The following LHFPL6 variants were observed in gnomAD, a reference collection of about 807,000 sequenced individuals.
The protein encoded by LHFPL6 is LHFPL tetraspan subfamily member 6.
In LHFPL6, 9 loss-of-function variants were observed where a neutral mutation model predicts 20.6. The observed-to-expected ratio is 0.44, with a 90% CI of 0.26 to 0.76. LHFPL6 has a LOEUF of 0.76. LHFPL6 is among the 30% of genes least tolerant of loss of function. The pLI is 0.20. For synonymous variants in LHFPL6, 105 were observed against 98.7 expected (o/e 1.06, Z -0.38); for missense variants, 218 against 253.5 (o/e 0.86, Z 0.95).
intron 2 of LHFPL6, among the ~76,000 whole-genome samples, chr13:39,523,189 C>T (rs182930394): frequency 6.6e-6 from 1 of 152,270 alleles, no homozygotes; most frequent in Admixed American, 6.5e-5. Flanking sequence ...AGCATGTGGT[C>T]TCTGTTAACT....
At chr13:39,431,407 T>A (rs1871798094) in intron 2 of LHFPL6, among the ~76,000 whole-genome samples, 4 of 152,156 alleles carry the variant, frequency 2.6e-5, no homozygotes, top group Admixed American at 2.6e-4. Context: ...ATTCTTGAAG[T>A]CAGCGAGACC....
intron 2 of LHFPL6, among the ~76,000 whole-genome samples, chr13:39,496,166 T>C (rs565403596): frequency 1.6e-4 from 24 of 152,300 alleles, no homozygotes; most frequent in Non-Finnish European, 2.6e-4. Flanking sequence ...GAGTAACTTA[T>C]AAACAACAGA....
intron 2 of LHFPL6, among the ~76,000 whole-genome samples, chr13:39,503,430 C>T (rs536744978): frequency 1.3e-5 from 2 of 152,282 alleles, no homozygotes; most frequent in South Asian, 4.2e-4. Context: ...GCAACCATCC[C>T]CCCCACATAC....
At chr13:39,584,690 G>T (rs2324346) in intron 2 of LHFPL6, among the ~76,000 whole-genome samples, 1 of 151,660 alleles carries the variant, frequency 6.6e-6, no homozygotes, top group African/African-American at 2.4e-5. Flanking sequence ...AAAGGAACAG[G>T]CTTAATGTCT....
chr13:39,501,675 A>C (rs1869299436), intron 2 of LHFPL6, among the ~76,000 whole-genome samples: 1 of 152,146 alleles, frequency 6.6e-6, no homozygotes, highest in African/African-American at 2.4e-5. Context: ...TGGAGAAACA[A>C]GATTCATGAG....
chr13:39,533,675 C>G (rs183064341), intron 2 of LHFPL6, among the ~76,000 whole-genome samples: 1 of 152,298 alleles, frequency 6.6e-6, no homozygotes, highest in East Asian at 1.9e-4. Context: ...ATGCCAAGAA[C>G]AGAGGTCTTC....
intron 2 of LHFPL6, among the ~76,000 whole-genome samples, chr13:39,439,349 T>C (rs1486878212): frequency 6.6e-6 from 1 of 152,206 alleles, no homozygotes; most frequent in African/African-American, 2.4e-5. Flanking sequence ...TATATCCTCA[T>C]TGTATCTAGG....
intron 2 of LHFPL6, among the ~76,000 whole-genome samples, chr13:39,434,583 C>T (rs1190456751): frequency 6.6e-6 from 1 of 152,110 alleles, no homozygotes; most frequent in Admixed American, 6.5e-5. Flanking sequence ...AATGTTACTA[C>T]CCATTTTCAC....
intron 2 of LHFPL6, among the ~76,000 whole-genome samples, chr13:39,466,283 G>A (rs1872804111): frequency 6.6e-6 from 1 of 152,164 alleles, no homozygotes; most frequent in Admixed American, 6.5e-5. Flanking sequence ...GAGAAAAATG[G>A]AACACTAAGG....
rs573825220 is a variant in LHFPL6 at position 39,587,916 on chromosome 13, G to A, written c.385+12916C>T. ...TTCTAGGAGGAGGAACCATGCCCAC[G>A]AAACTGCACAAGGAAAAGCAAGAGA... On this transcript the variant is annotated intron_variant, in intron 2 of 3. Coordinates refer to ENST00000379589, the MANE Select transcript of LHFPL6 (RefSeq NM_005780.3). Among the ~76,000 whole-genome samples the A allele has an allele frequency of 2.7e-4, 41 of 152,110 alleles. 1 individual carries two copies. The South Asian group carries it at 6.6e-3, about 25-fold the overall frequency.
intron 2 of LHFPL6, among the ~76,000 whole-genome samples, chr13:39,419,426 CAA>C (rs1354788506): frequency 7.9e-5 from 12 of 152,224 alleles, no homozygotes; most frequent in Non-Finnish European, 1.8e-4. Context: ...GAAATGGTTT[CAA>C]AACATATTTG....
intron 2 of LHFPL6, among the ~76,000 whole-genome samples, chr13:39,536,444 A>T (rs1473315423): frequency 6.6e-6 from 1 of 152,122 alleles, no homozygotes; most frequent in Non-Finnish European, 1.5e-5. Context: ...AGATGCTCCC[A>T]GCCAATGACT....
rs543424783 is a variant in LHFPL6 at position 39,368,053 on chromosome 13, T to C, written c.484+10375A>G. ...CAAAGATGTAAAATCCAGCCAGGCA[T>C]GGTGGCTCATGCTTGTAACCCCAGC... is the stretch of plus-strand genomic sequence containing the variant. On this transcript the variant is annotated intron_variant, in intron 3 of 3. Coordinates refer to ENST00000379589, the MANE Select transcript of LHFPL6 (RefSeq NM_005780.3). 4.6e-5 allele frequency among the ~76,000 whole-genome samples: 7 copies of C among 152,310 alleles called. No homozygotes were observed. The East Asian group carries it at 1.4e-3, about 29-fold the overall frequency.
At chr13:39,583,578 C>A (rs971110615) in intron 2 of LHFPL6, among the ~76,000 whole-genome samples, 2 of 152,164 alleles carry the variant, frequency 1.3e-5, no homozygotes, top group Non-Finnish European at 2.9e-5. Flanking sequence ...ATGACATTTT[C>A]TCTTTCCAAA....
intron 2 of LHFPL6, among the ~76,000 whole-genome samples, chr13:39,559,600 C>T (rs1487245534): frequency 6.6e-6 from 1 of 151,858 alleles, no homozygotes; most frequent in Non-Finnish European, 1.5e-5. Flanking sequence ...TGAAAGCCAA[C>T]GATGTGCCTC....
intron 2 of LHFPL6, among the ~76,000 whole-genome samples, chr13:39,575,168 CAAT>C (rs779395552): frequency 1.2e-4 from 18 of 152,130 alleles, no homozygotes; most frequent in Non-Finnish European, 1.9e-4. Context: ...AATGAAAACA[CAAT>C]GATGACCACA....
intron 2 of LHFPL6, among the ~76,000 whole-genome samples, chr13:39,390,349 T>C (rs993771184): frequency 6.6e-6 from 1 of 151,352 alleles, no homozygotes; most frequent in Admixed American, 6.6e-5. Context: ...AAAAAAAAAA[T>C]TAGCCACGCG....
At chr13:39,491,607 T>C (rs1234351782) in intron 2 of LHFPL6, among the ~76,000 whole-genome samples, 2 of 152,128 alleles carry the variant, frequency 1.3e-5, no homozygotes, top group African/African-American at 4.8e-5. Context: ...GGAGTTCACT[T>C]GGGAAGCCAC....
rs541620701 is a variant in LHFPL6, at chr13:39,480,090, C to A, written c.386-101564G>T. 2.6e-3 allele frequency among the ~76,000 whole-genome samples: 389 copies of A among 152,262 alleles called. 2 individuals are homozygous for A. The highest frequency in any genetic ancestry group is 6.8e-3 in the Middle Eastern group (2 of 294). Reference sequence around the variant, plus strand: ...ATATGAAAACATACCACCCATAACACCACAAGCATGAATAACCCCCATTAA... The same window carrying A: ...ATATGAAAACATACCACCCATAACAACACAAGCATGAATAACCCCCATTAA... On this transcript the variant is annotated intron_variant, in intron 2 of 3. Coordinates refer to ENST00000379589, the MANE Select transcript of LHFPL6 (RefSeq NM_005780.3).
Sources: gnomAD v4.1 joint callset for allele counts (sites outside exome capture counted in the v4.1 genomes callset) on GRCh38, gnomAD v4.1.1 for gene constraint, MANE v1.5 for transcripts, NCBI Gene and HGNC (gene_info 2026-07-23, HGNC 2026-07-21) for gene names.